ABLIM1: variants seen among roughly 807,000 people sequenced by gnomAD.
The protein encoded by ABLIM1 is actin binding LIM protein 1.
In ABLIM1, 40 loss-of-function variants were observed where a neutral mutation model predicts 107.0. The observed-to-expected ratio is 0.37, with a 90% CI of 0.29 to 0.49. The LOEUF (loss-of-function observed/expected upper bound fraction) is 0.49, where lower values mean the gene tolerates loss of function less well. Among genes scored for constraint, ABLIM1 ranks in the 20% least tolerant of loss-of-function variants. The pLI, the probability that ABLIM1 is intolerant of heterozygous loss-of-function variation, is 0.97. For missense variants in ABLIM1, 857 were observed against 1,008.5 expected (o/e 0.85, Z 2.04); for synonymous variants, 357 against 357.3 (o/e 1.00, Z 0.01).
Position 114,650,611 on chromosome 10 carries a change from C to A in ABLIM1, c.244+7346G>T, listed in dbSNP as rs143584337. Among the ~76,000 whole-genome samples, 28 of 152,156 alleles carry A rather than the reference C, an allele frequency of 1.8e-4. No homozygotes were observed. In the East Asian group the frequency reaches 5.0e-3, roughly 27 times the overall value. On this transcript the variant is annotated intron_variant, in intron 1 of 22. Coordinates refer to ENST00000533213, the MANE Select transcript of ABLIM1 (RefSeq NM_002313.7). The stretch of plus-strand genomic sequence containing the variant: ...TCAATAAAACAAAAAAAAAGCTGGA[C>A]CAAGTAGATTCAGCCAGTGGAACTA...
chr10:114,508,332 CAGG>C (rs1366662386), intron 6 of ABLIM1, among the ~76,000 whole-genome samples: 2 of 152,176 alleles, frequency 1.3e-5, no homozygotes, highest in Non-Finnish European at 2.9e-5. Flanking sequence ...GCCTTATTTG[CAGG>C]AGGAGATGGT....
At chr10:114,643,424 G>C (rs1422403736) in intron 1 of ABLIM1, among the ~76,000 whole-genome samples, 2 of 152,094 alleles carry the variant, frequency 1.3e-5, no homozygotes, top group Non-Finnish European at 2.9e-5. Context: ...TCTTTGCTTA[G>C]AGATTATATA....
At chr10:114,569,758 A>G (rs2071371136) in intron 4 of ABLIM1, among the ~76,000 whole-genome samples, 1 of 152,188 alleles carries the variant, frequency 6.6e-6, no homozygotes, top group Non-Finnish European at 1.5e-5. Flanking sequence ...GGTAGCAAGA[A>G]TGGTGAAGGA....
intron 4 of ABLIM1, among the ~76,000 whole-genome samples, chr10:114,569,188 C>T (rs1164636125): frequency 6.6e-6 from 1 of 152,182 alleles, no homozygotes; most frequent in Non-Finnish European, 1.5e-5. Context: ...TATCAAAAAA[C>T]ATAGTTGGAC....
intron 1 of ABLIM1, among the ~76,000 whole-genome samples, chr10:114,749,488 C>CACACCAT (rs2082463974): frequency 1.1e-5 from 1 of 91,360 alleles, no homozygotes; most frequent in Non-Finnish European, 2.8e-5. Flanking sequence ...ACACACACCA[C>CACACCAT]AAAACCCAGA....
intron 1 of ABLIM1, among the ~76,000 whole-genome samples, chr10:114,697,230 T>A (rs2081214367): frequency 6.6e-6 from 1 of 152,198 alleles, no homozygotes; most frequent in South Asian, 2.1e-4. Flanking sequence ...ACTCCGCTCA[T>A]CACAGCTTAA....
intron 1 of ABLIM1, among the ~76,000 whole-genome samples, chr10:114,736,965 G>A (rs1255283663): frequency 6.6e-6 from 1 of 152,212 alleles, no homozygotes; most frequent in African/African-American, 2.4e-5. Context: ...GAGGCAGGCG[G>A]ATCACTTGAG....
At chr10:114,587,278 G>C (rs1446285300) in intron 2 of ABLIM1, among the ~76,000 whole-genome samples, 1 of 152,152 alleles carries the variant, frequency 6.6e-6, no homozygotes, top group East Asian at 1.9e-4. Flanking sequence ...AGAGGAGCAA[G>C]GGATTAAAGA....
intron 1 of ABLIM1, among the ~76,000 whole-genome samples, chr10:114,725,215 C>T (rs572619715): frequency 9.9e-5 from 15 of 152,102 alleles, no homozygotes; most frequent in Non-Finnish European, 1.8e-4. Context: ...CCACAACTAG[C>T]AATTTACCTG....
intron 1 of ABLIM1, among the ~76,000 whole-genome samples, chr10:114,767,674 TG>T (rs2082931918): frequency 6.6e-6 from 1 of 151,950 alleles, no homozygotes; most frequent in African/African-American, 2.4e-5. Flanking sequence ...CCTCAAGCCC[TG>T]GATTTCTTCC....
chr10:114,677,218 T>C (rs767940017), intron 1 of ABLIM1, among the ~76,000 whole-genome samples: 48 of 152,294 alleles, frequency 3.2e-4, no homozygotes, highest in Non-Finnish European at 5.7e-4. Context: ...CCCCAGGTCC[T>C]AGCATGGTGA....
At chr10:114,504,841 T>A (rs1016090829) in intron 6 of ABLIM1, among the ~76,000 whole-genome samples, 1 of 152,182 alleles carries the variant, frequency 6.6e-6, no homozygotes, top group Non-Finnish European at 1.5e-5. Flanking sequence ...TGTTCCATAA[T>A]GTTAAAAGGG....
chr10:114,637,903 T>C (rs947747735), intron 1 of ABLIM1, among the ~76,000 whole-genome samples: 2 of 152,252 alleles, frequency 1.3e-5, no homozygotes, highest in Non-Finnish European at 2.9e-5. Flanking sequence ...TTTATTGTAA[T>C]ATTTTCTAGA....
At chr10:114,457,843 G>A (rs1225733586) in intron 12 of ABLIM1, among the ~76,000 whole-genome samples, 2 of 152,148 alleles carry the variant, frequency 1.3e-5, no homozygotes, top group East Asian at 1.9e-4. Flanking sequence ...AGGCTGAGGC[G>A]GGTGAATTAT....
In ABLIM1 at chr10:114,635,804, G is replaced by A. The variant is rs377510881; in HGVS notation, c.244+22153C>T. On this transcript the variant is annotated intron_variant, in intron 1 of 22. Coordinates refer to ENST00000533213, the MANE Select transcript of ABLIM1 (RefSeq NM_002313.7). Reference sequence around the variant, plus strand: ...CTCAAGGTGCTGGGATTACAGGCGTGAGCCACTGCACCCAGCCCCCACTGG... The same window carrying A: ...CTCAAGGTGCTGGGATTACAGGCGTAAGCCACTGCACCCAGCCCCCACTGG... Among the ~76,000 whole-genome samples the A allele has an allele frequency of 7.0e-4, 106 of 152,322 alleles. 1 individual carries two copies. The South Asian group carries it at 0.021, about 30-fold the overall frequency.
At chr10:114,639,433 C>T (rs1168644788) in intron 1 of ABLIM1, among the ~76,000 whole-genome samples, 6 of 152,240 alleles carry the variant, frequency 3.9e-5, no homozygotes, top group Admixed American at 3.9e-4. Context: ...CTGCCGCCTA[C>T]CCAGTGGTTA....
chr10:114,637,971 T>C (rs757112472), intron 1 of ABLIM1, among the ~76,000 whole-genome samples: 1 of 152,224 alleles, frequency 6.6e-6, no homozygotes, highest in Non-Finnish European at 1.5e-5. Flanking sequence ...AGAATTGCAA[T>C]GCCTTCCCTG....
intron 6 of ABLIM1, among the ~76,000 whole-genome samples, chr10:114,514,215 AG>A (rs1450540516): frequency 6.7e-6 from 1 of 149,870 alleles, no homozygotes; most frequent in African/African-American, 2.5e-5. Flanking sequence ...CTTGAATGGG[AG>A]GGGGAAAGGG....
chr10:114,740,840 T>A (rs2082272173), intron 1 of ABLIM1, among the ~76,000 whole-genome samples: 1 of 151,944 alleles, frequency 6.6e-6, no homozygotes, highest in African/African-American at 2.4e-5. Context: ...GGTCAGGAGT[T>A]CGAGACTAGC....
Sources: allele counts gnomAD v4.1 joint callset (sites outside exome capture counted in the v4.1 genomes callset), GRCh38; gene constraint gnomAD v4.1.1; transcripts MANE v1.5; gene names NCBI Gene and HGNC (gene_info 2026-07-23, HGNC 2026-07-21).